AUNIP: variants seen among roughly 807,000 people sequenced by gnomAD.
AUNIP encodes the protein aurora kinase A and ninein interacting protein.
A neutral mutation model predicts 12.2 loss-of-function variants in AUNIP; 16 were observed. The ratio of observed to expected loss-of-function variants is 1.31; its 90% CI spans 0.88 to 1.99. AUNIP has a LOEUF of 1.99. Among genes scored for constraint, AUNIP ranks in the 30% most tolerant of loss-of-function variants. The pLI, the probability that AUNIP is intolerant of heterozygous loss-of-function variation, is 0.00. For missense variants in AUNIP, 411 were observed against 419.1 expected, an observed-to-expected ratio of 0.98 and a Z score of 0.17; for synonymous variants, 142 against 154.8, an observed-to-expected ratio of 0.92 and a Z score of 0.61.
chr1:25,846,472 C>T (rs894378456), intron 1 of AUNIP, among the ~76,000 whole-genome samples: 4 of 147,090 alleles, frequency 2.7e-5, no homozygotes, highest in African/African-American at 7.6e-5. Flanking sequence ...ACCTGTAATC[C>T]TAGCACTTTG....
chr1:25,839,322 T>C (rs2048332746), intron 1 of AUNIP, among the ~76,000 whole-genome samples: 1 of 152,220 alleles, frequency 6.6e-6, no homozygotes. Flanking sequence ...GGGAGACCTC[T>C]GCATAGGGAT....
In AUNIP at chr1:25,835,730, C is replaced by T. The variant is rs765800562; in HGVS notation, c.337G>A (p.Asp113Asn). The change falls in exon 3 of 3, where the codon GAT becomes AAT. Residue 113 changes from aspartate (D) to asparagine (N), a missense_variant. By Grantham distance (23) the Asp-to-Asn change is conservative. Coordinates refer to ENST00000374298, the MANE Select transcript of AUNIP (RefSeq NM_024037.3). The part of the protein sequence containing the change: ...LDHLIPGLAH[D>N]CMASPLATST... ...GTGGCTAAAGGGGATGCCATGCAAT[C>T]GTGTGCTAAGCCTGGGATCAAATGG... 36 of 1,614,114 alleles carry T rather than the reference C, an allele frequency of 2.2e-5. No individual in the cohort carries two copies. The highest frequency in any genetic ancestry group is 2.0e-4 in the Admixed American group (12 of 60,012).
intron 1 of AUNIP, among the ~76,000 whole-genome samples, chr1:25,840,406 A>C (rs2048340669): frequency 6.6e-6 from 1 of 152,180 alleles, no homozygotes; most frequent in South Asian, 2.1e-4. Flanking sequence ...AATTAGTCTC[A>C]AAAAAACAAT....
At chr1:25,840,499 C>G (rs1201969146) in intron 1 of AUNIP, among the ~76,000 whole-genome samples, 1 of 152,128 alleles carries the variant, frequency 6.6e-6, no homozygotes, top group Non-Finnish European at 1.5e-5. Context: ...ACAACTGTAA[C>G]ATTCTTTTTC....
chr1:25,857,741 T>C (rs7520833), intron 1 of AUNIP, among the ~76,000 whole-genome samples: 1 of 150,542 alleles, frequency 6.6e-6, no homozygotes. Flanking sequence ...CGGGCGCCTG[T>C]AGTCCCAGCT....
chr1:25,835,937 C>T, intron 2 of AUNIP, 91 bp from the exon 3 acceptor site: 1 of 1,519,486 alleles, frequency 6.6e-7, no homozygotes, highest in East Asian at 2.3e-5. Context: ...GTATCAGCTA[C>T]TATTACTACC....
intron 1 of AUNIP, among the ~76,000 whole-genome samples, chr1:25,843,435 G>T (rs2048359466): frequency 6.6e-6 from 1 of 150,786 alleles, no homozygotes; most frequent in Non-Finnish European, 1.5e-5. Context: ...CTTCTGAAAA[G>T]GATTCACCAT....
At chr1:25,833,038 C>T (rs2048267127), downstream of AUNIP, 1 of 152,196 alleles carries the variant, frequency 6.6e-6, no homozygotes, top group Non-Finnish European at 1.5e-5. Context: ...AAACAGGCTA[C>T]TGGCTTCTCC....
downstream of AUNIP, chr1:25,832,048 C>CA: frequency 6.2e-7 from 1 of 1,614,018 alleles, no homozygotes; most frequent in African/African-American, 1.3e-5. Flanking sequence ...TCTGCAAACT[C>CA]AGTCTCATGC....
At chr1:25,848,287 A>G (rs1014934086) in intron 1 of AUNIP, among the ~76,000 whole-genome samples, 2 of 152,058 alleles carry the variant, frequency 1.3e-5, no homozygotes, top group African/African-American at 2.4e-5. Flanking sequence ...TCGTGCCTGT[A>G]ATCCCAACAC....
In AUNIP at chr1:25,835,369, C is replaced by T. The variant is rs748719661; in HGVS notation, c.698G>A (p.Arg233Lys). ...CCTGTTTTCTTTGGCAGACACCTTT[C>T]TTTCCAATTTAGTCTTGCCTAAGGG... ...CQPLGKTKLERKVSAKENRQA... is the reference protein window; with the variant it reads ...CQPLGKTKLEKKVSAKENRQA... Residue 233 changes from arginine (R) to lysine (K), a missense_variant, in exon 3 of 3, where the codon AGA becomes AAA. Arg to Lys is a conservative substitution (Grantham distance 26). Coordinates refer to ENST00000374298, the MANE Select transcript of AUNIP (RefSeq NM_024037.3). 6.2e-7 allele frequency: 1 copy of T among 1,614,240 alleles called. No homozygotes were observed. Among genetic ancestry groups the T allele is most frequent in the Non-Finnish European group, 8.5e-7 (1 of 1,180,032 alleles).
chr1:25,858,417 G>C (rs555931654), intron 1 of AUNIP, among the ~76,000 whole-genome samples: 11 of 152,242 alleles, frequency 7.2e-5, no homozygotes, highest in Admixed American at 2.0e-4. Context: ...CTTGCCCCTA[G>C]TGTCTGTTTT....
chr1:25,832,199 A>G (rs1430605105), downstream of AUNIP: 2 of 1,530,602 alleles, frequency 1.3e-6, no homozygotes, highest in Non-Finnish European at 8.8e-7. Context: ...CCAGACTTCA[A>G]ACCCTAGCAG....
Position 25,837,476 on chromosome 1 carries a change from T to C in AUNIP, c.157A>G (p.Arg53Gly), listed in dbSNP as rs375211727. 3.7e-6 allele frequency: 6 copies of C among 1,614,112 alleles called. No individual in the cohort carries two copies. The highest frequency in any genetic ancestry group is 5.1e-6 in the Non-Finnish European group (6 of 1,179,970). The change falls in exon 2 of 3, where the codon AGA (arginine) becomes GGA (glycine). Residue 53 changes from arginine to glycine, a missense_variant. By Grantham distance (125) the Arg-to-Gly change is moderately radical. Transcript: ENST00000374298. ...ERKANIYFTQ[R>G]RAPSTGIHQR... is the part of the protein sequence containing the mutation. ...TGAATGCCTGTAGATGGAGCTCTTC[T>C]TTGAGTAAAATAAATATTAGCCTTT...
intron 2 of AUNIP, among the ~76,000 whole-genome samples, chr1:25,836,401 G>A (rs2048303161): frequency 2.6e-5 from 4 of 152,200 alleles, no homozygotes; most frequent in Admixed American, 2.6e-4. Context: ...GAAAGGGAGT[G>A]AAGACACAAT....
chr1:25,839,391 C>G (rs949867871), intron 1 of AUNIP, among the ~76,000 whole-genome samples: 1 of 152,208 alleles, frequency 6.6e-6, no homozygotes. Flanking sequence ...CCCCACAAAG[C>G]CAGGCAATGA....
intron 1 of AUNIP, among the ~76,000 whole-genome samples, chr1:25,843,026 TA>T (rs989097802): frequency 3.3e-5 from 5 of 151,668 alleles, no homozygotes; most frequent in Non-Finnish European, 7.4e-5. Flanking sequence ...ACAAAAAATT[TA>T]AAAATTAGCA....
intron 1 of AUNIP, among the ~76,000 whole-genome samples, chr1:25,843,594 GAAAAAA>G (rs769525747): frequency 4.1e-4 from 13 of 31,890 alleles, no homozygotes; most frequent in Admixed American, 1.8e-3. Context: ...CTGTCTGTTT[GAAAAAA>G]AAAAAAAAAA....
chr1:25,833,783 AAAAG>A (rs1272617966), downstream of AUNIP, among the ~76,000 whole-genome samples: 17 of 152,188 alleles, frequency 1.1e-4, no homozygotes, highest in East Asian at 3.1e-3. Flanking sequence ...TAAAAAAAAA[AAAAG>A]AAGCAGTTCT....
Sources: gnomAD v4.1 joint callset for allele counts (sites outside exome capture counted in the v4.1 genomes callset) on GRCh38, gnomAD v4.1.1 for gene constraint, MANE v1.5 for transcripts, NCBI Gene and HGNC (gene_info 2026-07-23, HGNC 2026-07-21) for gene names.